The following CFAP20DC variants were observed in gnomAD, a reference collection of about 807,000 sequenced individuals.
The protein encoded by CFAP20DC is CFAP20 domain containing.
Under a neutral mutation model 101.7 loss-of-function variants are expected in CFAP20DC, and 84 were observed. The ratio of observed to expected loss-of-function variants is 0.83; its 90% CI spans 0.69 to 0.99. CFAP20DC has a LOEUF of 0.99. Ranked by LOEUF, CFAP20DC falls within the 50% of genes least tolerant of loss-of-function variation. The pLI is 0.00. For missense variants in CFAP20DC, 1,007 were observed against 970.3 expected, an observed-to-expected ratio of 1.04 and a Z score of -0.50; for synonymous variants, 359 against 351.2, an observed-to-expected ratio of 1.02 and a Z score of -0.25.
intron 1 of CFAP20DC, among the ~76,000 whole-genome samples, chr3:59,047,690 T>C (rs1699975024): frequency 6.6e-6 from 1 of 152,226 alleles, no homozygotes; most frequent in Admixed American, 6.5e-5. Context: ...TCATACTGAC[T>C]GAGGCTCCAA....
rs905833633 is a variant in CFAP20DC, at chr3:58,824,962, C to A, written c.2175+6724G>T. 3.3e-5 allele frequency among the ~76,000 whole-genome samples: 5 copies of A among 151,942 alleles called. No homozygotes were observed. In the East Asian group the frequency reaches 9.7e-4, roughly 29 times the overall value. ...AGACCTGTGCCACCATGCCCCCGTT[C>A]AGGTTATGTTAATTATTAACCTGAA... On this transcript the variant is annotated intron_variant, in intron 14 of 16. Transcript: ENST00000482387.
chr3:58,935,892 G>T (rs2107747928), intron 5 of CFAP20DC, among the ~76,000 whole-genome samples: 1 of 152,162 alleles, frequency 6.6e-6, no homozygotes, highest in Non-Finnish European at 1.5e-5. Flanking sequence ...AACACCAAAA[G>T]CAATGGCAAC....
At chr3:58,949,621 G>GT (rs1397664947) in intron 4 of CFAP20DC, among the ~76,000 whole-genome samples, 3 of 151,966 alleles carry the variant, frequency 2.0e-5, no homozygotes, top group Non-Finnish European at 4.4e-5. Context: ...CTGAGTTATA[G>GT]TTTGATTGCA....
intron 13 of CFAP20DC, among the ~76,000 whole-genome samples, chr3:58,848,209 A>G (rs1389905591): frequency 1.3e-5 from 2 of 151,704 alleles, no homozygotes. Context: ...GTACATGATG[A>G]ATGTTCACAA....
intron 15 of CFAP20DC, among the ~76,000 whole-genome samples, chr3:58,782,088 G>C (rs879785154): frequency 6.6e-6 from 1 of 151,866 alleles, no homozygotes; most frequent in Non-Finnish European, 1.5e-5. Flanking sequence ...AAGATCAAGC[G>C]GGATTTATCC....
intron 8 of CFAP20DC, 49 bp downstream of exon 8, chr3:58,870,124 C>T (rs764727543): frequency 2.5e-6 from 4 of 1,576,700 alleles, no homozygotes; most frequent in Middle Eastern, 1.7e-4. Flanking sequence ...ACACTCTTCC[C>T]TTACCAGGTC....
chr3:58,901,183 T>C (rs539838311), intron 6 of CFAP20DC, among the ~76,000 whole-genome samples: 17 of 152,342 alleles, frequency 1.1e-4, no homozygotes, highest in Admixed American at 6.5e-4. Flanking sequence ...GGGCCAAGTA[T>C]AAAACACAAA....
At chr3:58,787,186 T>C (rs2072422221) in intron 15 of CFAP20DC, among the ~76,000 whole-genome samples, 1 of 151,906 alleles carries the variant, frequency 6.6e-6, no homozygotes, top group African/African-American at 2.4e-5. Flanking sequence ...GTAACGCTGA[T>C]ACAAGATTTC....
In CFAP20DC at chr3:59,010,908, GC is replaced by G. The variant is rs1204395975; in HGVS notation, c.278+28648del. On this transcript the variant is annotated intron_variant, in intron 4 of 16. Coordinates refer to ENST00000482387, the MANE Select transcript of CFAP20DC (RefSeq NM_001394063.1). The stretch of plus-strand genomic sequence containing the variant: ...AACTGGAAATTAAACTCCAAAAGGA[GC>G]CTCAAAATGATACAAATAAATGGAA... Among the ~76,000 whole-genome samples, 4 of 152,064 alleles carry G rather than the reference GC, an allele frequency of 2.6e-5. No individual in the cohort carries two copies. The East Asian group carries it at 7.7e-4, about 29-fold the overall frequency.
chr3:58,826,168 T>C (rs2076024523), intron 14 of CFAP20DC, among the ~76,000 whole-genome samples: 1 of 152,196 alleles, frequency 6.6e-6, no homozygotes, highest in Non-Finnish European at 1.5e-5. Flanking sequence ...AGATTTTCCT[T>C]TGGGTGTATA....
At chr3:58,812,957 C>G (rs2074787567) in intron 14 of CFAP20DC, among the ~76,000 whole-genome samples, 1 of 151,820 alleles carries the variant, frequency 6.6e-6, no homozygotes, top group African/African-American at 2.4e-5. Context: ...CAAGATATCT[C>G]ATGGAACTAA....
chr3:58,751,270 G>C (rs1277322860), intron 16 of CFAP20DC, among the ~76,000 whole-genome samples: 1 of 152,178 alleles, frequency 6.6e-6, no homozygotes, highest in East Asian at 1.9e-4. Flanking sequence ...CTGTTAAAAG[G>C]CATGCAGATT....
rs896469827 is a variant in CFAP20DC, at chr3:58,894,300, A to T, written c.551-9591T>A. The stretch of plus-strand genomic sequence containing the variant: ...CCAAAGTCTCTTCTGAGACAAGGCA[A>T]GTCCCTTCTGCCTATGAGCCTGTAA... On this transcript the variant is annotated intron_variant, in intron 6 of 16. Coordinates refer to ENST00000482387, the MANE Select transcript of CFAP20DC (RefSeq NM_001394063.1). The surrounding 1 kb of genome is among the most constrained non-coding windows in gnomAD (Gnocchi z 4.1). 2.0e-5 allele frequency among the ~76,000 whole-genome samples: 3 copies of T among 152,242 alleles called. No homozygotes were observed. The highest frequency in any genetic ancestry group is 6.5e-5 in the Admixed American group (1 of 15,286).
At chr3:58,966,219 T>A (rs1421372050) in intron 4 of CFAP20DC, among the ~76,000 whole-genome samples, 1 of 152,108 alleles carries the variant, frequency 6.6e-6, no homozygotes, top group Non-Finnish European at 1.5e-5. Flanking sequence ...CTGACCTTTG[T>A]CCCAGAAGTG....
At chr3:58,939,759 ATTTTTTTT>A (rs60955896) in intron 4 of CFAP20DC, among the ~76,000 whole-genome samples, 1 of 91,924 alleles carries the variant, frequency 1.1e-5, no homozygotes, top group Non-Finnish European at 2.1e-5. Context: ...TGCCCGGCCC[ATTTTTTTT>A]TTTTTTTTTT....
rs1410706853 is a variant in CFAP20DC, at chr3:58,757,070, T to TA, written c.2238-3208dup. Among the ~76,000 whole-genome samples, 19 of 152,070 alleles carry TA rather than the reference T, an allele frequency of 1.2e-4. 1 individual carries two copies. The highest frequency in any genetic ancestry group is 2.6e-4 in the Non-Finnish European group (18 of 67,958). On this transcript the variant is annotated intron_variant, in intron 15 of 16. Coordinates refer to ENST00000482387, the MANE Select transcript of CFAP20DC (RefSeq NM_001394063.1). ...TACTTAGAGGTAAATCCTGAAAAGG[T>TA]AAATTTCTAAAAGTGGGATTCCCAG...
chr3:58,737,335 C>T (rs1165008071), downstream of CFAP20DC: 13 of 426,084 alleles, frequency 3.1e-5, no homozygotes, highest in Non-Finnish European at 5.6e-5. This position sits in a 1 kb window ranked among gnomAD's most constrained non-coding sequence, Gnocchi z 4.1. Context: ...CACACACCCA[C>T]CCACCCAACT....
chr3:58,757,477 T>A (rs2069071291), intron 15 of CFAP20DC, among the ~76,000 whole-genome samples: 1 of 149,590 alleles, frequency 6.7e-6, no homozygotes. Flanking sequence ...ACTTTATAGT[T>A]TGTCTTTGTT....
chr3:58,955,225 G>GA (rs1041075213), intron 4 of CFAP20DC, among the ~76,000 whole-genome samples: 9 of 151,862 alleles, frequency 5.9e-5, no homozygotes, highest in Non-Finnish European at 1.0e-4. Flanking sequence ...ACTATACACA[G>GA]AAAAAAACAC....
Sources: allele counts gnomAD v4.1 joint callset (sites outside exome capture counted in the v4.1 genomes callset), GRCh38; gene constraint gnomAD v4.1.1; non-coding constraint Gnocchi (gnomAD v3.1); transcripts MANE v1.5; gene names NCBI Gene and HGNC (gene_info 2026-07-23, HGNC 2026-07-21).